CRYZ: variants seen among roughly 807,000 people sequenced by gnomAD.
CRYZ encodes crystallin zeta.
CRYZ carries 35 observed loss-of-function variants against 34.1 expected under a neutral mutation model. The ratio of observed to expected loss-of-function variants is 1.03; its 90% confidence interval spans 0.78 to 1.36. The LOEUF is 1.36. CRYZ is among the 40% of genes most tolerant of loss of function. CRYZ has a pLI of 0.00. For synonymous variants in CRYZ, 137 were observed against 136.5 expected, an observed-to-expected ratio of 1.00 and a Z score of -0.03; for missense variants, 403 against 391.8, an observed-to-expected ratio of 1.03 and a Z score of -0.24.
rs771636968 is a variant in CRYZ, at chr1:74,706,928, T to C, written c.799A>G (p.Ile267Val). Residue 267 changes from isoleucine to valine, a missense_variant, in exon 8 of 9, where the codon ATT becomes GTT. Ile to Val is a conservative substitution (Grantham distance 29). Transcript: ENST00000340866. ...GTTGAGGAAAAGAGAGTAACTCCAATTATACTCGACTCCTTTGCCATGGTG... is the reference window on the plus strand; with the variant it reads ...GTTGAGGAAAAGAGAGTAACTCCAACTATACTCGACTCCTTTGCCATGGTG... ...RDTMAKESSI[I>V]GVTLFSSTKE... 1 of 1,613,062 alleles carries C rather than the reference T, an allele frequency of 6.2e-7. No homozygotes were observed. Among genetic ancestry groups the C allele is most frequent in the South Asian group, 1.1e-5 (1 of 91,006 alleles).
chr1:74,719,039 G>A (rs1374608267), intron 4 of CRYZ, among the ~76,000 whole-genome samples, 170 bp downstream of exon 4: 1 of 152,068 alleles, frequency 6.6e-6, no homozygotes, highest in Non-Finnish European at 1.5e-5. Flanking sequence ...TGTATCCCTA[G>A]TGATTAGCAC....
rs1221673884 is a variant in CRYZ at position 74,707,214 on chromosome 1, A to C, written c.631-10T>G. ...TCTCACCAACATACTTCTATATAATAAAAGAGAAATGTAGAGTAAGATAGC... is the reference window on the plus strand; with the variant it reads ...TCTCACCAACATACTTCTATATAATCAAAGAGAAATGTAGAGTAAGATAGC... On this transcript the variant is annotated splice_polypyrimidine_tract_variant and intron_variant, in intron 6 of 8. Transcript: ENST00000340866. 1.4e-6 allele frequency: 2 copies of C among 1,420,532 alleles called. No homozygotes were observed. Among genetic ancestry groups the C allele is most frequent in the Non-Finnish European group, 2.0e-6 (2 of 1,024,134 alleles). 88.0% of individuals were successfully genotyped at this position (1,420,532 alleles called of 1,614,324 possible).
At chr1:74,723,675 C>G (rs1026141534) in intron 2 of CRYZ, among the ~76,000 whole-genome samples, 1 of 152,118 alleles carries the variant, frequency 6.6e-6, no homozygotes, top group Non-Finnish European at 1.5e-5. Flanking sequence ...CACTTGCAGA[C>G]CTGACCCATT....
chr1:74,723,944 A>G (rs1211482201), intron 2 of CRYZ, among the ~76,000 whole-genome samples: 1 of 152,240 alleles, frequency 6.6e-6, no homozygotes, highest in African/African-American at 2.4e-5. Context: ...TACCTCTGGT[A>G]TAAAAGTAAG....
chr1:74,722,285 TAA>T (rs1442380992), intron 3 of CRYZ, among the ~76,000 whole-genome samples: 1 of 152,060 alleles, frequency 6.6e-6, no homozygotes, highest in Non-Finnish European at 1.5e-5. Flanking sequence ...GTTAAGTGGC[TAA>T]GAGTGTCAAA....
intron 8 of CRYZ, 41 bp from the exon 9 acceptor site, chr1:74,706,498 T>A: frequency 6.5e-7 from 1 of 1,538,156 alleles, no homozygotes; most frequent in Non-Finnish European, 8.8e-7. Flanking sequence ...TAGTGAACCG[T>A]ATGATTTAAT....
intron 1 of CRYZ, among the ~76,000 whole-genome samples, chr1:74,727,830 G>C (rs1249675740): frequency 6.6e-6 from 1 of 151,958 alleles, no homozygotes; most frequent in Non-Finnish European, 1.5e-5. Flanking sequence ...ATATTACCCA[G>C]CTTTAACAAA....
At position 74,714,616 on chromosome 1, in the gene CRYZ, GCT is replaced by G. The variant is rs1557725312; in HGVS notation, c.441_442del (p.Lys147AsnfsTer23). ...CCCATGAACCAGAACACTCTCTCCA[GCT>G]TTCACACAGGCACTGCAAAGGAAAG... On this transcript the variant is annotated frameshift_variant, in exon 5 of 9. Transcript: ENST00000340866. LOFTEE classifies it high-confidence loss of function. 1 of 1,613,456 alleles carries G rather than the reference GCT, an allele frequency of 6.2e-7. No homozygotes were observed. Among genetic ancestry groups the G allele is most frequent in the African/African-American group, 1.3e-5 (1 of 74,846 alleles).
At chr1:74,721,261 T>C (rs1228059839) in intron 3 of CRYZ, among the ~76,000 whole-genome samples, 3 of 152,184 alleles carry the variant, frequency 2.0e-5, no homozygotes, top group Non-Finnish European at 2.9e-5. Flanking sequence ...AATTTAATTC[T>C]GTCAATTAGA....
At chr1:74,723,320 T>G (rs1647198681) in intron 2 of CRYZ, 50 bp from the exon 3 acceptor site, 2 of 1,574,116 alleles carry the variant, frequency 1.3e-6, no homozygotes, top group Non-Finnish European at 1.7e-6. Flanking sequence ...GGCATTCATT[T>G]AACTTTATGC....
At chr1:74,714,725 G>A in intron 4 of CRYZ, 95 bp from the exon 5 acceptor site, 1 of 1,246,834 alleles carries the variant, frequency 8.0e-7, no homozygotes, top group Non-Finnish European at 1.2e-6. Flanking sequence ...CCCCTAGTCT[G>A]GCTAACACTT....
intron 1 of CRYZ, chr1:74,732,732 C>A (rs1647904696): frequency 6.5e-6 from 1 of 154,850 alleles, no homozygotes; most frequent in Non-Finnish European, 1.4e-5. Flanking sequence ...AGGACCAGGG[C>A]TAGGAGCCCA....
chr1:74,711,080 G>A (rs925492168), intron 5 of CRYZ, among the ~76,000 whole-genome samples: 1 of 152,146 alleles, frequency 6.6e-6, no homozygotes, highest in Non-Finnish European at 1.5e-5. Context: ...CTAACCTGGC[G>A]AGGTGGGAAT....
intron 1 of CRYZ, among the ~76,000 whole-genome samples, chr1:74,727,177 C>A (rs566308669): frequency 1.0e-5 from 1 of 95,308 alleles, no homozygotes; most frequent in Non-Finnish European, 3.0e-5. Context: ...ATCTTTACAG[C>A]AGTACCCCAC....
Position 74,715,839 on chromosome 1 carries a change from TTA to T in CRYZ, c.429-1211_429-1210del, listed in dbSNP as rs536028836. On this transcript the variant is annotated intron_variant, in intron 4 of 8. Transcript: ENST00000340866. ...CACAGAGTCGCTGTGACAGTTAATT[TTA>T]TGTGTCAACTTGACTGGGCCAAGGA... Among the ~76,000 whole-genome samples, 70 of 151,958 alleles carry T rather than the reference TTA, an allele frequency of 4.6e-4. No individual in the cohort carries two copies. The South Asian group carries it at 0.014, about 30-fold the overall frequency.
chr1:74,710,197 C>T lies in CRYZ; in HGVS notation c.531G>A (p.Leu177=). The T allele has an allele frequency of 6.2e-7, 1 of 1,613,824 alleles. No homozygotes were observed. Among genetic ancestry groups the T allele is most frequent in the Non-Finnish European group, 8.5e-7 (1 of 1,179,838 alleles). The part of the protein sequence containing the change: ...QIARAYGLKI[L]GTAGTEEGQK... ...GTCCTTCCTCAGTACCAGCAGTGCC[C>T]AAAATCTTTAAGCCATAAGCTCTAG... Residue 177 remains leucine (L), a synonymous_variant, in exon 6 of 9, where the codon TTG becomes TTA. Coordinates refer to ENST00000340866, the MANE Select transcript of CRYZ (RefSeq NM_001889.4).
rs1268823642 is a variant in CRYZ, at chr1:74,707,185, C to G, written c.650G>C (p.Gly217Ala). 1 of 1,552,494 alleles carries G rather than the reference C, an allele frequency of 6.4e-7. No homozygotes were observed. The part of the protein sequence containing the change: ...DKIKKYVGEK[G>A]IDIIIEMLAN... ...TAACATTTCAATAATTATATCAATT[C>G]CTTTCTCACCAACATACTTCTATAT... Residue 217 changes from glycine to alanine, a missense_variant, in exon 7 of 9, where the codon GGA becomes GCA. By Grantham distance (60) the Gly-to-Ala change is moderately conservative. Transcript: ENST00000340866.
chr1:74,705,916 G>A lies in CRYZ; in HGVS notation c.*380C>T, dbSNP rs1258470504. 1.3e-5 allele frequency: 2 copies of A among 159,102 alleles called. No homozygotes were observed. Among genetic ancestry groups the A allele is most frequent in the Non-Finnish European group, 2.8e-5 (2 of 72,626 alleles). The allele number at this position is 159,102 out of a possible 1,614,324, so 9.9% of individuals were successfully genotyped here. A position where few individuals can be genotyped will look rare whatever the true frequency, so the allele number is the denominator to read the frequency against. On this transcript the variant is annotated 3_prime_UTR_variant, in exon 9 of 9. Coordinates refer to ENST00000340866, the MANE Select transcript of CRYZ (RefSeq NM_001889.4). The stretch of plus-strand genomic sequence containing the variant: ...CAGTCATGGCTAATCAGAGACTAGA[G>A]AACCTTTATAAAGGTAAGTAGGCTT...
chr1:74,706,306 A>C lies in CRYZ; in HGVS notation c.980T>G (p.Leu327Arg). 4 of 1,603,856 alleles carry C rather than the reference A, an allele frequency of 2.5e-6. No homozygotes were observed. Among genetic ancestry groups the C allele is most frequent in the Non-Finnish European group, 3.4e-6 (4 of 1,176,580 alleles). Residue 327 changes from leucine to arginine, a missense_variant, in exon 9 of 9, where the codon CTT becomes CGT. Transcript: ENST00000340866. ...HGSGATGKMILLL is the reference protein window; with the variant it reads ...HGSGATGKMIRLL ...TGAAAGAATTAATCATCATAAGAGA[A>C]GAATCATTTTTCCAGTAGCCCCACT...
Sources: allele counts gnomAD v4.1 joint callset (sites outside exome capture counted in the v4.1 genomes callset), GRCh38; gene constraint gnomAD v4.1.1; transcripts MANE v1.5; gene names NCBI Gene and HGNC (gene_info 2026-07-23, HGNC 2026-07-21).